TDP1: variants seen among roughly 807,000 people sequenced by gnomAD.
TDP1 encodes the protein tyr-DNA phosphodiesterase 1.
In TDP1, 64 loss-of-function variants were observed where a neutral mutation model predicts 81.5. That is an observed-to-expected ratio of 0.79 (90% CI 0.64 to 0.97). The LOEUF is 0.97. Among genes scored for constraint, TDP1 ranks in the 50% least tolerant of loss-of-function variants. The pLI is 0.00. For missense variants in TDP1, 723 were observed against 743.8 expected, an observed-to-expected ratio of 0.97 and a Z score of 0.33; for synonymous variants, 256 against 264.3, an observed-to-expected ratio of 0.97 and a Z score of 0.30.
intron 14 of TDP1, among the ~76,000 whole-genome samples, chr14:90,003,661 A>C (rs1391016304): frequency 6.6e-6 from 1 of 152,214 alleles, no homozygotes; most frequent in Non-Finnish European, 1.5e-5. Context: ...GGGTGGTCAG[A>C]AGCAAGGTGG....
At chr14:90,019,012 A>C in intron 14 of TDP1, 1 of 984,198 alleles carries the variant, frequency 1.0e-6, no homozygotes, top group Non-Finnish European at 1.2e-6. Context: ...AGGATCGTGA[A>C]AAGAAAAGGG....
intron 3 of TDP1, among the ~76,000 whole-genome samples, chr14:89,964,277 A>G (rs1892678930): frequency 6.6e-6 from 1 of 152,270 alleles, no homozygotes; most frequent in East Asian, 1.9e-4. Context: ...AGATGGCCTT[A>G]GTTTGCTCTC....
chr14:89,970,026 G>A (rs2139998465), intron 5 of TDP1, among the ~76,000 whole-genome samples: 1 of 151,008 alleles, frequency 6.6e-6, no homozygotes, highest in South Asian at 2.1e-4. Context: ...ACAGGCGCCC[G>A]CCACTACGCC....
chr14:89,989,664 CT>C, intron 11 of TDP1, 52 bp from the exon 12 acceptor site: 1 of 1,408,348 alleles, frequency 7.1e-7, no homozygotes, highest in Non-Finnish European at 1.0e-6. Context: ...ATTATCATTC[CT>C]TTTCTTCAAC....
chr14:89,985,520 A>C (rs34746049), intron 10 of TDP1, among the ~76,000 whole-genome samples: 1 of 152,192 alleles, frequency 6.6e-6, no homozygotes, highest in Non-Finnish European at 1.5e-5. Flanking sequence ...ATTGTTCAGC[A>C]TATCAAGTTT....
intron 14 of TDP1, among the ~76,000 whole-genome samples, chr14:90,003,371 G>A (rs1279058809): frequency 1.3e-5 from 2 of 152,170 alleles, no homozygotes; most frequent in Admixed American, 6.5e-5. Flanking sequence ...ATTAGCTGGC[G>A]ATTTCCTCTT....
chr14:90,012,547 A>G (rs543093232), intron 14 of TDP1, among the ~76,000 whole-genome samples: 2 of 152,016 alleles, frequency 1.3e-5, no homozygotes, highest in Non-Finnish European at 2.9e-5. Flanking sequence ...AAATGTAGGT[A>G]GAGTTTCCCA....
intron 9 of TDP1, chr14:89,984,893 T>TAGCCTCCCA (rs1307785006): frequency 2.0e-6 from 2 of 985,324 alleles, no homozygotes; most frequent in Non-Finnish European, 2.4e-6. Flanking sequence ...ATGTTTACCT[T>TAGCCTCCCA]AGCCTCCCAC....
intron 16 of TDP1, among the ~76,000 whole-genome samples, chr14:90,034,525 A>G (rs955622522): frequency 6.6e-5 from 10 of 152,248 alleles, no homozygotes; most frequent in African/African-American, 2.4e-4. Context: ...CGTGTGTCCC[A>G]GCCTCACAGG....
intron 7 of TDP1, 112 bp downstream of exon 7, chr14:89,975,927 C>A (rs1039662352): frequency 3.6e-6 from 3 of 832,788 alleles, no homozygotes; most frequent in Middle Eastern, 2.2e-4. Flanking sequence ...TCTAGCACAG[C>A]GATGCTTAAC....
intron 12 of TDP1, chr14:89,991,453 A>T: frequency 1.6e-6 from 1 of 615,360 alleles, no homozygotes; most frequent in Non-Finnish European, 2.0e-6. Flanking sequence ...GAGGTAATTT[A>T]CTTTTATTCT....
At chr14:89,987,322 C>A (rs1450919020) in intron 10 of TDP1, among the ~76,000 whole-genome samples, 3 of 152,178 alleles carry the variant, frequency 2.0e-5, no homozygotes, top group Non-Finnish European at 4.4e-5. Context: ...CACTTCAGTT[C>A]TTATGCTGTC....
At chr14:90,029,453 C>T (rs1205174916) in intron 15 of TDP1, among the ~76,000 whole-genome samples, 1 of 151,560 alleles carries the variant, frequency 6.6e-6, no homozygotes, top group South Asian at 2.1e-4. Flanking sequence ...CCCGCCTCGG[C>T]CTCACAAAGT....
In TDP1 at chr14:90,023,142, G is replaced by A. The variant is rs1886281435; in HGVS notation, c.1644+3724G>A. The stretch of plus-strand genomic sequence containing the variant: ...TACAATATATGACAACAACTAGGGT[G>A]TGGGGCATTCAAAATACAGGGGCTC... On this transcript the variant is annotated intron_variant, in intron 15 of 16. Transcript: ENST00000335725. The A allele has an allele frequency of 8.2e-6, 6 of 728,984 alleles. No individual in the cohort carries two copies. The Admixed American group carries it at 9.5e-5, about 11-fold the overall frequency. The allele number at this position is 728,984 out of a possible 1,614,324, so 45.2% of individuals were successfully genotyped here.
At chr14:89,967,342 G>GTTACTCTTCT (rs756373467) in intron 4 of TDP1, 25 bp from the exon 5 acceptor site, 4 of 1,611,748 alleles carry the variant, frequency 2.5e-6, no homozygotes, top group Non-Finnish European at 3.4e-6. Flanking sequence ...CTATGGCTTA[G>GTTACTCTTCT]TTACTCTTCT....
chr14:89,966,095 T>A, intron 3 of TDP1, 52 bp from the exon 4 acceptor site: 1 of 1,261,434 alleles, frequency 7.9e-7, no homozygotes, highest in South Asian at 1.2e-5. Flanking sequence ...GTGATTATTA[T>A]GACTAGAGGA....
rs1382016819 is a variant in TDP1 at position 89,956,577 on chromosome 14, G to A, written c.-230-1G>A. On this transcript the variant is annotated splice_acceptor_variant, in intron 1 of 16. Coordinates refer to ENST00000335725, the MANE Select transcript of TDP1 (RefSeq NM_018319.4). LOFTEE classifies it low-confidence loss of function (5UTR_SPLICE). ...CTTTGTCTTCAACCCATTCTCCGCA[G>A]AGTTGGAGCACACAGCTGTATTAAA... The A allele has an allele frequency of 1.3e-5, 2 of 152,294 alleles. No homozygotes were observed. Among genetic ancestry groups the A allele is most frequent in the African/African-American group, 4.8e-5 (2 of 41,436 alleles). The allele number at this position is 152,294 out of a possible 1,614,324, so 9.4% of individuals were successfully genotyped here.
intron 8 of TDP1, chr14:89,981,404 C>A: frequency 2.2e-6 from 1 of 444,732 alleles, no homozygotes; most frequent in Non-Finnish European, 4.5e-6. Context: ...TAGGGATTTG[C>A]TCAACAAGTT....
chr14:89,977,086 C>T (rs1430930647), intron 7 of TDP1, among the ~76,000 whole-genome samples: 2 of 152,002 alleles, frequency 1.3e-5, no homozygotes, highest in African/African-American at 2.4e-5. Context: ...GCCTGCAAGG[C>T]GGAGGTTGTG....
Sources: gnomAD v4.1 joint callset for allele counts (sites outside exome capture counted in the v4.1 genomes callset) on GRCh38, gnomAD v4.1.1 for gene constraint, MANE v1.5 for transcripts, NCBI Gene and HGNC (gene_info 2026-07-23, HGNC 2026-07-21) for gene names.